Variants in PWWP4 observed in about 807,000 individuals in gnomAD.
PWWP4 encodes the protein PWWP domain containing 4.
exon 1 of PWWP4, among the ~76,000 whole-genome samples, chrX:153,272,794 G>A (rs1359006842): frequency 5.3e-5 from 6 of 113,944 alleles, no homozygotes; most frequent in African/African-American, 1.3e-4. Context: ...GGCACGCAGC[G>A]CCATTGCTTC....
chrX:153,270,033 T>A (rs1373424240), upstream of PWWP4, among the ~76,000 whole-genome samples: 31 of 107,209 alleles, frequency 2.9e-4, 3 homozygotes, highest in African/African-American at 1.1e-3. Context: ...TGTGACGTGA[T>A]GTCCTTTCAC....
chrX:153,271,108 C>T (rs2051804842), upstream of PWWP4, among the ~76,000 whole-genome samples: 1 of 114,172 alleles, frequency 8.8e-6, no homozygotes, highest in African/African-American at 3.2e-5. Context: ...CCCAAGGAGC[C>T]CAAAGGCACA....
upstream of PWWP4, among the ~76,000 whole-genome samples, chrX:153,271,590 T>G (rs2051806859): frequency 9.3e-6 from 1 of 107,246 alleles, no homozygotes; most frequent in Non-Finnish European, 1.9e-5. Flanking sequence ...CCCCTCGGCC[T>G]CCCTTAGCTA....
chrX:153,266,233 G>A, the PWWP4 span, among the ~76,000 whole-genome samples: 524 of 92,168 alleles, frequency 5.7e-3, no homozygotes, highest in African/African-American at 0.022. Context: ...AAGACTAGTA[G>A]GTGTCTGCTA....
chrX:153,270,500 T>C (rs1479339962), upstream of PWWP4, among the ~76,000 whole-genome samples: 2 of 61,134 alleles, frequency 3.3e-5, no homozygotes, highest in Non-Finnish European at 5.8e-5. Flanking sequence ...TTGATTGGCT[T>C]AATTTCCTAT....
At chrX:153,269,174 T>C (rs2051798793), upstream of PWWP4, among the ~76,000 whole-genome samples, 1 of 53,622 alleles carries the variant, frequency 1.9e-5, no homozygotes, top group Admixed American at 2.2e-4. Context: ...TGTGTGTGTG[T>C]GTGTGTGTGT....
chrX:153,270,159 CGTT>C (rs1176293194), upstream of PWWP4, among the ~76,000 whole-genome samples: 1 of 108,029 alleles, frequency 9.3e-6, no homozygotes, highest in Non-Finnish European at 1.9e-5. Context: ...TTATCAATCT[CGTT>C]GAGCACATTT....
the PWWP4 span, among the ~76,000 whole-genome samples, chrX:153,266,441 G>A: frequency 3.7e-4 from 36 of 96,994 alleles, no homozygotes; most frequent in Non-Finnish European, 5.5e-4. Context: ...GTGTGGATGC[G>A]TGTGCATGTG....
chrX:153,276,527 C>G (rs1230967707), exon 1 of PWWP4, among the ~76,000 whole-genome samples: 1 of 57,743 alleles, frequency 1.7e-5, no homozygotes, highest in Admixed American at 1.7e-4. Flanking sequence ...CCTGCACCCC[C>G]CGCTCTGAAG....
upstream of PWWP4, among the ~76,000 whole-genome samples, chrX:153,270,060 C>G (rs1390733634): frequency 2.8e-5 from 3 of 108,743 alleles, no homozygotes; most frequent in Admixed American, 3.1e-4. Context: ...GTCTACACAT[C>G]TCATATTCTA....
At chrX:153,266,294 G>A in the PWWP4 span, among the ~76,000 whole-genome samples, 7 of 101,127 alleles carry the variant, frequency 6.9e-5, no homozygotes, top group East Asian at 2.8e-3. Flanking sequence ...TATGTGTGAG[G>A]ATGTGTGTCT....
chrX:153,271,187 C>T (rs1556938657), upstream of PWWP4, among the ~76,000 whole-genome samples: 1 of 114,426 alleles, frequency 8.7e-6, no homozygotes, highest in Non-Finnish European at 1.9e-5. Context: ...CTCCTCAAGA[C>T]GGAATTGTTA....
At chrX:153,269,887 C>T (rs2051800809), upstream of PWWP4, among the ~76,000 whole-genome samples, 1 of 112,731 alleles carries the variant, frequency 8.9e-6, no homozygotes, top group Admixed American at 9.6e-5. Flanking sequence ...GGAACACGGG[C>T]ATTCACAAGA....
At chrX:153,275,812 T>G (rs1408603360) in exon 1 of PWWP4, among the ~76,000 whole-genome samples, 3 of 69,156 alleles carry the variant, frequency 4.3e-5, no homozygotes, top group Admixed American at 1.6e-4. Flanking sequence ...CACCCTGCAC[T>G]GTGACAGCTC....
upstream of PWWP4, among the ~76,000 whole-genome samples, chrX:153,270,092 T>C (rs1245387020): frequency 9.2e-6 from 1 of 108,633 alleles, no homozygotes; most frequent in African/African-American, 3.5e-5. Context: ...TTCATGTTAT[T>C]TGAGAATCAG....
rs1180526559 is a variant in PWWP4, at chrX:153,276,840, G to GC, written c.5229dup (p.Ser1744GlnfsTer47). On this transcript the variant is annotated frameshift_variant, in exon 1 of 1. Transcript: ENST00000458091. LOFTEE classifies it high-confidence loss of function. ...GGGCTGGCGGTAAACAGGATGGGCA[G>GC]CCCCCCAGCCTTGCTTTTCCACAGG... is the stretch of plus-strand genomic sequence containing the variant. 2 of 37,593 alleles carry GC rather than the reference G, an allele frequency of 5.3e-5. No individual in the cohort carries two copies. The highest frequency in any genetic ancestry group is 1.4e-3 in the East Asian group (2 of 1,473). The allele number at this position is 37,593 out of a possible 1,213,427, so 3.1% of individuals were successfully genotyped here. A position where few individuals can be genotyped will look rare whatever the true frequency, so the allele number is the denominator to read the frequency against.
At chrX:153,269,377 T>C (rs1353999048), upstream of PWWP4, among the ~76,000 whole-genome samples, 98 of 6,517 alleles carry the variant, frequency 0.015, 4 homozygotes, top group African/African-American at 0.061. Context: ...TCACTTTTGT[T>C]CGGGGTCCTC....
Position 153,272,674 on chromosome X carries a change from T to C in PWWP4, c.1057T>C (p.Trp353Arg), listed in dbSNP as rs2051811564. Among the ~76,000 whole-genome samples the C allele has an allele frequency of 3.6e-5, 4 of 110,365 alleles. No homozygotes were observed. The South Asian group carries it at 1.4e-3, about 40-fold the overall frequency. ...AGGCGCCCTGCGAGGTTACAAGTCA[T>C]GGGTGTGCAGGGCCATTGCCCCTAC... The change falls in exon 1 of 1, where the codon TGG (tryptophan) becomes CGG (arginine). Residue 353 changes from tryptophan (W) to arginine (R), a missense_variant. Coordinates refer to ENST00000458091, the Ensembl canonical transcript of PWWP4.
chrX:153,276,366 G>A (rs2051828027), exon 1 of PWWP4, among the ~76,000 whole-genome samples: 1 of 88,243 alleles, frequency 1.1e-5, no homozygotes, highest in Non-Finnish European at 2.3e-5. Flanking sequence ...CACATGTGTT[G>A]CAAAGCCCCC....
Sources: gnomAD v4.1 joint callset for allele counts (sites outside exome capture counted in the v4.1 genomes callset) on GRCh38, gnomAD v4.1.1 for gene constraint, MANE v1.5 for transcripts, NCBI Gene and HGNC (gene_info 2026-07-23, HGNC 2026-07-21) for gene names.